Variants in SYBU observed in about 807,000 individuals in gnomAD.
SYBU encodes syntabulin, also known as GOLSYN A protein.
A neutral mutation model predicts 35.9 loss-of-function variants in SYBU; 21 were observed. The ratio of observed to expected loss-of-function variants is 0.58; its 90% confidence interval spans 0.41 to 0.84. The LOEUF (loss-of-function observed/expected upper bound fraction) is 0.84, where lower values mean the gene tolerates loss of function less well. SYBU is among the 40% of genes least tolerant of loss of function. The pLI, the probability that SYBU is intolerant of heterozygous loss-of-function variation, is 0.00. For missense variants in SYBU, 768 were observed against 848.2 expected (o/e 0.91, Z 1.17); for synonymous variants, 319 against 324.3 (o/e 0.98, Z 0.18).
At chr8:109,654,331 TG>T (rs996323694) in intron 1 of SYBU, among the ~76,000 whole-genome samples, 2 of 152,244 alleles carry the variant, frequency 1.3e-5, no homozygotes, top group African/African-American at 4.8e-5. Flanking sequence ...TTCTTCCATT[TG>T]GTTTAATCTG....
intron 6 of SYBU, 29 bp from the exon 7 acceptor site, chr8:109,576,042 TAAAAAAAA>T (rs71305959): frequency 8.0e-4 from 679 of 846,222 alleles, no homozygotes; most frequent in South Asian, 1.1e-3. Context: ...CATGGTTAAT[TAAAAAAAA>T]AAAAAAAAAA....
In SYBU at chr8:109,691,493, C is replaced by A. The variant is rs1817645385; in HGVS notation, c.-218G>T. The A allele has an allele frequency of 7.8e-6, 4 of 514,178 alleles. No homozygotes were observed. The South Asian group carries it at 1.1e-4, about 14-fold the overall frequency. The allele number at this position is 514,178 out of a possible 1,614,324, so 31.9% of individuals were successfully genotyped here. A position where few individuals can be genotyped will look rare whatever the true frequency, so the allele number is the denominator to read the frequency against. Reference sequence around the variant, plus strand: ...GGGGAGCCGGGCCCGGCCCGCTCCGCCCGCCTTAGCCCGGCTTGGACACGT... The same window carrying A: ...GGGGAGCCGGGCCCGGCCCGCTCCGACCGCCTTAGCCCGGCTTGGACACGT... On this transcript the variant is annotated 5_prime_UTR_variant, in exon 1 of 8. Transcript: ENST00000422135. The surrounding 1 kb of genome is among the most constrained non-coding windows in gnomAD (Gnocchi z 4.7).
At chr8:109,656,915 C>T (rs972365639) in intron 1 of SYBU, among the ~76,000 whole-genome samples, 7 of 151,924 alleles carry the variant, frequency 4.6e-5, no homozygotes, top group Admixed American at 3.3e-4. Context: ...AAGGTAAACC[C>T]ATGACTCATT....
At chr8:109,674,929 T>A (rs10100734) in intron 1 of SYBU, among the ~76,000 whole-genome samples, 29,046 of 151,996 alleles carry the variant, frequency 0.19, 3,616 homozygotes, top group East Asian at 0.4. Context: ...ATAACTGAAA[T>A]CATAACAGTC....
upstream of SYBU, among the ~76,000 whole-genome samples, chr8:109,684,472 A>G (rs1406287760): frequency 6.6e-6 from 1 of 152,242 alleles, no homozygotes; most frequent in Non-Finnish European, 1.5e-5. Context: ...ACTGGGAAAT[A>G]CTGTAAGGAA....
At chr8:109,615,979 T>A (rs1811700389) in intron 3 of SYBU, among the ~76,000 whole-genome samples, 1 of 145,458 alleles carries the variant, frequency 6.9e-6, no homozygotes, top group African/African-American at 2.6e-5. Context: ...CTTTATTCCC[T>A]GTAATTTCTT....
intron 3 of SYBU, among the ~76,000 whole-genome samples, chr8:109,609,977 T>C (rs1314068209): frequency 1.3e-5 from 2 of 152,048 alleles, no homozygotes; most frequent in African/African-American, 4.8e-5. Flanking sequence ...AATCAAATCA[T>C]TTCTCCCTTC....
At chr8:109,690,595 A>C (rs1479737630) in intron 1 of SYBU, among the ~76,000 whole-genome samples, 1 of 152,178 alleles carries the variant, frequency 6.6e-6, no homozygotes. Flanking sequence ...GGGAAGATAA[A>C]AGCAACGATT....
In SYBU at chr8:109,691,598, G is replaced by T. The variant is rs1406730228; in HGVS notation, c.-323C>A. 9.4e-6 allele frequency: 4 copies of T among 426,584 alleles called. No individual in the cohort carries two copies. Among genetic ancestry groups the T allele is most frequent in the East Asian group, 3.9e-5 (1 of 25,862 alleles). 26.4% of individuals were successfully genotyped at this position (426,584 alleles called of 1,614,324 possible). A position where few individuals can be genotyped will look rare whatever the true frequency, so the allele number is the denominator to read the frequency against. On this transcript the variant is annotated 5_prime_UTR_variant, in exon 1 of 8. Coordinates refer to the SYBU transcript ENST00000422135. The surrounding 1 kb of genome is among the most constrained non-coding windows in gnomAD (Gnocchi z 4.7). ...CAGCCGGGCGGCTGCTGGGGCTGAGGACAAAATGGAGAGAAGGGCGGGGGA... is the reference window on the plus strand; with the variant it reads ...CAGCCGGGCGGCTGCTGGGGCTGAGTACAAAATGGAGAGAAGGGCGGGGGA...
At position 109,660,484 on chromosome 8, in the gene SYBU, A is replaced by C. The variant is rs773785596; in HGVS notation, c.-129+20227T>G. On this transcript the variant is annotated intron_variant, in intron 1 of 5. Transcript: ENST00000408889. Reference sequence around the variant, plus strand: ...AGCTAAGGTTTATTTTCTGTGGCTCACATGAAAATATATTTCCAAGTATAG... The same window carrying C: ...AGCTAAGGTTTATTTTCTGTGGCTCCCATGAAAATATATTTCCAAGTATAG... Among the ~76,000 whole-genome samples, 255 of 152,180 alleles carry C rather than the reference A, an allele frequency of 1.7e-3. 3 individuals carry two copies. The highest frequency in any genetic ancestry group is 2.8e-4 in the Non-Finnish European group (19 of 68,022).
intron 2 of SYBU, among the ~76,000 whole-genome samples, chr8:109,637,078 C>T (rs1407733139): frequency 2.0e-5 from 3 of 152,182 alleles, no homozygotes; most frequent in Admixed American, 1.3e-4. Context: ...TACACACAGA[C>T]CACAAAGAAG....
At chr8:109,592,054 T>C (rs1256971357) in intron 3 of SYBU, among the ~76,000 whole-genome samples, 1 of 152,010 alleles carries the variant, frequency 6.6e-6, no homozygotes, top group African/African-American at 2.4e-5. Context: ...AGGTGAAACA[T>C]GCAAAGAAAT....
intron 4 of SYBU, chr8:109,580,370 G>C: frequency 4.8e-6 from 1 of 208,364 alleles, no homozygotes; most frequent in Non-Finnish European, 9.9e-6. Context: ...TTTTGTTCTA[G>C]TCCACCTGTT....
At chr8:109,655,137 A>C (rs1816302534) in intron 1 of SYBU, among the ~76,000 whole-genome samples, 1 of 152,220 alleles carries the variant, frequency 6.6e-6, no homozygotes, top group Admixed American at 6.5e-5. Flanking sequence ...TAATCCTTGC[A>C]TTCCGCCTTT....
At chr8:109,588,582 T>C (rs1408887021) in intron 3 of SYBU, among the ~76,000 whole-genome samples, 6 of 152,198 alleles carry the variant, frequency 3.9e-5, no homozygotes, top group African/African-American at 9.7e-5. Context: ...GTTAATGCAG[T>C]GTAAAAATCA....
intron 1 of SYBU, among the ~76,000 whole-genome samples, chr8:109,669,008 G>A (rs1156959693): frequency 6.6e-6 from 1 of 152,170 alleles, no homozygotes; most frequent in African/African-American, 2.4e-5. Context: ...TTACTAGACT[G>A]AAAATTTAGG....
chr8:109,589,636 C>T (rs1823998539), intron 3 of SYBU, among the ~76,000 whole-genome samples: 1 of 152,152 alleles, frequency 6.6e-6, no homozygotes, highest in Non-Finnish European at 1.5e-5. Flanking sequence ...AGAGATATTC[C>T]TTTTATTTAT....
chr8:109,636,595 C>T (rs1288744887), intron 2 of SYBU, among the ~76,000 whole-genome samples: 1 of 152,190 alleles, frequency 6.6e-6, no homozygotes, highest in East Asian at 1.9e-4. Flanking sequence ...TTCCAGGCCT[C>T]AGCTTCTTTT....
upstream of SYBU, among the ~76,000 whole-genome samples, chr8:109,681,969 G>A (rs770934279): frequency 2.6e-5 from 4 of 152,092 alleles, no homozygotes; most frequent in South Asian, 2.1e-4. Context: ...CTGCTGCTAC[G>A]TGAAGAAGGA....
Sources: allele counts gnomAD v4.1 joint callset (sites outside exome capture counted in the v4.1 genomes callset), GRCh38; gene constraint gnomAD v4.1.1; non-coding constraint Gnocchi (gnomAD v3.1); transcripts MANE v1.5; gene names NCBI Gene and HGNC (gene_info 2026-07-23, HGNC 2026-07-21).